KCNIP1: variants seen among roughly 807,000 people sequenced by gnomAD.
KCNIP1 encodes the protein potassium voltage-gated channel interacting protein 1, also known as A-type potassium channel modulatory protein KCNIP1.
Under a neutral mutation model 33.0 loss-of-function variants are expected in KCNIP1, and 18 were observed. That is an observed-to-expected ratio of 0.55 (90% confidence interval 0.38 to 0.81). KCNIP1 has a LOEUF of 0.81. KCNIP1 is among the 30% of genes least tolerant of loss of function. KCNIP1 has a pLI of 0.00. For missense variants in KCNIP1, 238 were observed against 271.6 expected (o/e 0.88, Z 0.87); for synonymous variants, 93 against 98.3 (o/e 0.95, Z 0.32).
At chr5:170,373,019 G>A (rs1763888442) in intron 1 of KCNIP1, among the ~76,000 whole-genome samples, 1 of 152,200 alleles carries the variant, frequency 6.6e-6, no homozygotes. Flanking sequence ...ACGTGGTCCA[G>A]TACTCAGTTT....
At position 170,456,852 on chromosome 5, in the gene KCNIP1, G is replaced by A. The variant is rs530716749; in HGVS notation, c.88+102888G>A. 1.9e-4 allele frequency among the ~76,000 whole-genome samples: 29 copies of A among 152,064 alleles called. No individual in the cohort carries two copies. In the East Asian group the frequency reaches 1.9e-3, roughly 10 times the overall value. ...TCCTACCTCAGACTCTCGAGTAGCT[G>A]GAACCACAGGAGTGCACCACCATGT... On this transcript the variant is annotated intron_variant, in intron 1 of 7. Coordinates refer to the KCNIP1 transcript ENST00000377360.
At chr5:170,516,351 C>T (rs1755119913) in intron 1 of KCNIP1, among the ~76,000 whole-genome samples, 1 of 152,190 alleles carries the variant, frequency 6.6e-6, no homozygotes, top group Non-Finnish European at 1.5e-5. Flanking sequence ...TCCCTGTAAA[C>T]ACGCTTGACT....
At chr5:170,632,163 C>T (rs575061166) in intron 1 of KCNIP1, among the ~76,000 whole-genome samples, 7 of 152,330 alleles carry the variant, frequency 4.6e-5, no homozygotes, top group African/African-American at 1.7e-4. Flanking sequence ...GCATCTGAAT[C>T]AAGGCTCTCG....
At chr5:170,512,023 C>T (rs765607264) in intron 1 of KCNIP1, among the ~76,000 whole-genome samples, 8 of 151,984 alleles carry the variant, frequency 5.3e-5, no homozygotes, top group Admixed American at 2.6e-4. Flanking sequence ...ATCCCAACCC[C>T]GCCTCCCCCT....
chr5:170,550,515 G>A (rs1005978652), intron 1 of KCNIP1, among the ~76,000 whole-genome samples: 1 of 151,862 alleles, frequency 6.6e-6, no homozygotes, highest in Non-Finnish European at 1.5e-5. Context: ...TGGTGATGAT[G>A]ATGGCAATGA....
intron 1 of KCNIP1, among the ~76,000 whole-genome samples, chr5:170,556,720 T>A (rs1439258355): frequency 6.6e-6 from 1 of 152,202 alleles, no homozygotes; most frequent in Admixed American, 6.5e-5. Flanking sequence ...TGCAGATAGC[T>A]CATTTTGTGA....
At chr5:170,443,677 T>A (rs1186713037) in intron 1 of KCNIP1, among the ~76,000 whole-genome samples, 1 of 152,240 alleles carries the variant, frequency 6.6e-6, no homozygotes, top group East Asian at 1.9e-4. Flanking sequence ...GTGAAACATG[T>A]CTAGACTGAC....
chr5:170,650,731 G>A (rs1761011086), intron 1 of KCNIP1, among the ~76,000 whole-genome samples: 1 of 152,162 alleles, frequency 6.6e-6, no homozygotes. Context: ...AACTTTTTAA[G>A]AAATTGCGAA....
chr5:170,500,601 C>T (rs1468399111), upstream of KCNIP1, among the ~76,000 whole-genome samples: 1 of 152,172 alleles, frequency 6.6e-6, no homozygotes, highest in Non-Finnish European at 1.5e-5. Context: ...TTGCAAGTTC[C>T]CAGGAGGCAG....
intron 1 of KCNIP1, chr5:170,377,665 CG>C (rs1339639359): frequency 2.0e-5 from 3 of 152,078 alleles, no homozygotes; most frequent in African/African-American, 7.2e-5. Context: ...CTCCGAACCC[CG>C]GGTTCACGCC....
At chr5:170,429,352 C>T (rs1755689519) in intron 1 of KCNIP1, among the ~76,000 whole-genome samples, 3 of 151,242 alleles carry the variant, frequency 2.0e-5, no homozygotes. Flanking sequence ...CTACTTCAGC[C>T]TAGTCTCTCT....
intron 1 of KCNIP1, among the ~76,000 whole-genome samples, chr5:170,385,750 G>GA (rs907316512): frequency 7.2e-5 from 11 of 151,998 alleles, no homozygotes; most frequent in African/African-American, 2.7e-4. Context: ...GGCCCCCCAA[G>GA]ATGTCTATGT....
chr5:170,699,693 C>T (rs1016778766), intron 1 of KCNIP1, among the ~76,000 whole-genome samples: 2 of 152,104 alleles, frequency 1.3e-5, no homozygotes, highest in Non-Finnish European at 2.9e-5. Flanking sequence ...ATTGCCAGGT[C>T]CCCTGGTATT....
At chr5:170,601,644 A>T (rs1367451935) in intron 1 of KCNIP1, among the ~76,000 whole-genome samples, 1 of 152,220 alleles carries the variant, frequency 6.6e-6, no homozygotes, top group Non-Finnish European at 1.5e-5. Flanking sequence ...GGAAGCAGAA[A>T]AAAGATTGCA....
intron 1 of KCNIP1, among the ~76,000 whole-genome samples, chr5:170,464,027 CA>C (rs1309438473): frequency 7.7e-6 from 1 of 130,210 alleles, no homozygotes; most frequent in Non-Finnish European, 1.7e-5. Flanking sequence ...AAATAAAATT[CA>C]AAAAACAATC....
intron 1 of KCNIP1, chr5:170,679,366 G>A (rs1023720460): frequency 1.6e-4 from 25 of 152,264 alleles, no homozygotes; most frequent in Non-Finnish European, 2.9e-5. Flanking sequence ...ACAGAGTGGA[G>A]AGACACAGAG....
chr5:170,527,743 C>T lies in KCNIP1; in HGVS notation c.61+23110C>T, dbSNP rs185266636. Among the ~76,000 whole-genome samples, 711 of 148,846 alleles carry T rather than the reference C, an allele frequency of 4.8e-3. 2 individuals are homozygous for T. Among genetic ancestry groups the T allele is most frequent in the African/African-American group, 0.017 (679 of 40,816 alleles). On this transcript the variant is annotated intron_variant, in intron 1 of 7. Transcript: ENST00000328939. Reference sequence around the variant, plus strand: ...CTGGACGTTAGCACACACAGTTACACGCTCACAGGCTCACCCCAGCATGCA... The same window carrying T: ...CTGGACGTTAGCACACACAGTTACATGCTCACAGGCTCACCCCAGCATGCA...
chr5:170,608,442 C>T (rs575572861), intron 1 of KCNIP1, among the ~76,000 whole-genome samples: 19 of 152,336 alleles, frequency 1.2e-4, no homozygotes, highest in South Asian at 6.2e-4. Context: ...GGGAGAACCA[C>T]GTCTACCTGA....
intron 1 of KCNIP1, among the ~76,000 whole-genome samples, chr5:170,608,760 CAA>C (rs34976967): frequency 9.1e-4 from 129 of 141,394 alleles, no homozygotes; most frequent in Middle Eastern, 3.6e-3. Flanking sequence ...GAAACTGTCT[CAA>C]AAAAAAAAAA....
Sources: allele counts gnomAD v4.1 joint callset (sites outside exome capture counted in the v4.1 genomes callset), GRCh38; gene constraint gnomAD v4.1.1; transcripts MANE v1.5; gene names NCBI Gene and HGNC (gene_info 2026-07-23, HGNC 2026-07-21).